HCN1: variants seen among roughly 807,000 people sequenced by gnomAD.
HCN1 encodes potassium/sodium hyperpolarization-activated cyclic nucleotide-gated channel 1.
Under a neutral mutation model 78.9 loss-of-function variants are expected in HCN1, and 13 were observed. The observed-to-expected ratio is 0.16, with a 90% CI of 0.11 to 0.26. The LOEUF (loss-of-function observed/expected upper bound fraction) is 0.26. HCN1 is among the 10% of genes least tolerant of loss of function. HCN1 has a pLI of 1.00. For synonymous variants in HCN1, 552 were observed against 455.5 expected, an observed-to-expected ratio of 1.21 and a Z score of -2.70; for missense variants, 810 against 1,154.3, an observed-to-expected ratio of 0.70 and a Z score of 4.32.
chr5:45,535,702 T>G (rs1239954010), intron 2 of HCN1, among the ~76,000 whole-genome samples: 2 of 152,110 alleles, frequency 1.3e-5, no homozygotes, highest in African/African-American at 4.8e-5. Flanking sequence ...TTGTTCTGCA[T>G]CAAATAAATA....
At chr5:45,503,857 C>G (rs1561180311) in intron 2 of HCN1, among the ~76,000 whole-genome samples, 1 of 151,488 alleles carries the variant, frequency 6.6e-6, no homozygotes, top group Non-Finnish European at 1.5e-5. Context: ...GCCATCTCGG[C>G]TCACTGCAAC....
intron 1 of HCN1, chr5:45,695,165 A>T (rs867939208): frequency 6.4e-6 from 1 of 156,968 alleles, no homozygotes; most frequent in African/African-American, 2.4e-5. Context: ...CAGACTAAAC[A>T]CACTCCCCAG....
At chr5:45,518,503 A>T (rs1486836820) in intron 2 of HCN1, among the ~76,000 whole-genome samples, 1 of 151,982 alleles carries the variant, frequency 6.6e-6, no homozygotes, top group African/African-American at 2.4e-5. Flanking sequence ...GATAAGCAGA[A>T]ATTGGAATAA....
intron 2 of HCN1, among the ~76,000 whole-genome samples, chr5:45,577,491 A>C (rs1205952537): frequency 1.3e-5 from 2 of 152,148 alleles, no homozygotes; most frequent in Admixed American, 6.6e-5. Flanking sequence ...AACTTAAAAC[A>C]TATTTTCATA....
At position 45,608,355 on chromosome 5, in the gene HCN1, GTA is replaced by G. The variant is rs1325815982; in HGVS notation, c.849+36828_849+36829del. Reference sequence around the variant, plus strand: ...AAAGTTCCAAATGGGTAGGATGGGTGTATGTGTGTGTGTGTGTGTGTGTGTGT... The same window carrying G: ...AAAGTTCCAAATGGGTAGGATGGGTGTGTGTGTGTGTGTGTGTGTGTGTGT... On this transcript the variant is annotated intron_variant, in intron 2 of 7. Transcript: ENST00000303230. 5.0e-3 allele frequency among the ~76,000 whole-genome samples: 702 copies of G among 139,406 alleles called. 6 individuals are homozygous for G. Among genetic ancestry groups the G allele is most frequent in the African/African-American group, 0.018 (671 of 37,096 alleles). 91.5% of individuals were successfully genotyped at this position (139,406 alleles called of 152,430 possible).
At position 45,478,638 on chromosome 5, in the gene HCN1, G is replaced by A. The variant is rs935863699; in HGVS notation, c.850-16631C>T. 2.0e-5 allele frequency among the ~76,000 whole-genome samples: 3 copies of A among 152,196 alleles called. No individual in the cohort carries two copies. In the East Asian group the frequency reaches 5.8e-4, roughly 29 times the overall value. ...ATGTAAGGGTCCTAAAGTGATGCAT[G>A]TCTGGCATATTCAAAAATGCTAGGC... On this transcript the variant is annotated intron_variant, in intron 2 of 7. Coordinates refer to ENST00000303230, the MANE Select transcript of HCN1 (RefSeq NM_021072.4).
At chr5:45,440,045 T>C (rs1740641318) in intron 3 of HCN1, among the ~76,000 whole-genome samples, 1 of 149,178 alleles carries the variant, frequency 6.7e-6, no homozygotes, top group South Asian at 2.1e-4. Flanking sequence ...GTACTATTAT[T>C]ATATAACATA....
intron 6 of HCN1, among the ~76,000 whole-genome samples, chr5:45,269,492 T>C (rs1183299282): frequency 6.6e-6 from 1 of 152,206 alleles, no homozygotes; most frequent in Admixed American, 6.5e-5. Context: ...AATCTATTGA[T>C]GTCCAATCAC....
At chr5:45,278,349 G>A (rs552835339) in intron 6 of HCN1, among the ~76,000 whole-genome samples, 4 of 152,044 alleles carry the variant, frequency 2.6e-5, no homozygotes, top group Non-Finnish European at 5.9e-5. Flanking sequence ...TCAGTAATTT[G>A]AAGTATTCAT....
At chr5:45,355,351 T>C (rs1343778451) in intron 4 of HCN1, among the ~76,000 whole-genome samples, 2 of 151,948 alleles carry the variant, frequency 1.3e-5, no homozygotes, top group Non-Finnish European at 2.9e-5. Context: ...AAACCACCAA[T>C]AGCACTTGGG....
chr5:45,301,265 T>G (rs1434944741), intron 6 of HCN1, among the ~76,000 whole-genome samples: 1 of 151,094 alleles, frequency 6.6e-6, no homozygotes, highest in Non-Finnish European at 1.5e-5. Context: ...AAAAGGGGGA[T>G]AATATAGAAT....
chr5:45,279,218 A>G (rs1431842889), intron 6 of HCN1, among the ~76,000 whole-genome samples: 15 of 152,178 alleles, frequency 9.9e-5, no homozygotes, highest in Admixed American at 9.8e-4. Flanking sequence ...ATTATCTTTT[A>G]TATTTAAAAA....
intron 4 of HCN1, among the ~76,000 whole-genome samples, chr5:45,381,183 C>T (rs2112025557): frequency 6.6e-6 from 1 of 152,232 alleles, no homozygotes; most frequent in East Asian, 1.9e-4. Flanking sequence ...GTATAAGCCT[C>T]ATAAAATAAG....
intron 1 of HCN1, among the ~76,000 whole-genome samples, chr5:45,682,542 T>G (rs1287715385): frequency 2.0e-5 from 3 of 151,908 alleles, no homozygotes; most frequent in African/African-American, 7.2e-5. Flanking sequence ...AAAAGTCTCT[T>G]TATTTTTTCA....
intron 3 of HCN1, among the ~76,000 whole-genome samples, chr5:45,405,360 C>T (rs187659101): frequency 1.4e-4 from 22 of 152,182 alleles, no homozygotes; most frequent in African/African-American, 4.1e-4. Context: ...ACAATGCAGG[C>T]GTTAAGGATG....
intron 2 of HCN1, among the ~76,000 whole-genome samples, chr5:45,472,293 C>A (rs1367351704): frequency 6.6e-6 from 1 of 151,756 alleles, no homozygotes; most frequent in Non-Finnish European, 1.5e-5. Context: ...ACTTTTTTGG[C>A]CTCTCCAAGG....
intron 3 of HCN1, among the ~76,000 whole-genome samples, chr5:45,438,420 G>A (rs767318363): frequency 2.0e-5 from 3 of 151,820 alleles, no homozygotes; most frequent in East Asian, 1.9e-4. Context: ...GTGAAACCCC[G>A]TCTCTACTAA....
chr5:45,548,547 G>A (rs1046355124), intron 2 of HCN1, among the ~76,000 whole-genome samples: 4 of 151,910 alleles, frequency 2.6e-5, no homozygotes, highest in South Asian at 2.1e-4. Context: ...CATACTGAAC[G>A]GGCAAAAAAC....
chr5:45,425,595 G>GT (rs1266290672), intron 3 of HCN1, among the ~76,000 whole-genome samples: 4 of 152,266 alleles, frequency 2.6e-5, no homozygotes, highest in Middle Eastern at 6.8e-3. Flanking sequence ...CTAATTCCCA[G>GT]TAAATTAGAA....
Sources: allele counts gnomAD v4.1 joint callset (sites outside exome capture counted in the v4.1 genomes callset), GRCh38; gene constraint gnomAD v4.1.1; transcripts MANE v1.5; gene names NCBI Gene and HGNC (gene_info 2026-07-23, HGNC 2026-07-21).